The following INPP4B variants were observed in gnomAD, a reference collection of about 807,000 sequenced individuals.
INPP4B encodes the protein inositol polyphosphate-4-phosphatase type II B.
A neutral mutation model predicts 122.5 loss-of-function variants in INPP4B; 55 were observed. The ratio of observed to expected loss-of-function variants is 0.45; its 90% confidence interval spans 0.36 to 0.56. The LOEUF (loss-of-function observed/expected upper bound fraction) is 0.56. Among genes scored for constraint, INPP4B ranks in the 20% least tolerant of loss-of-function variants. The probability of loss-of-function intolerance (pLI) is 0.00; values close to 1 mark genes in which losing one functional copy is unlikely to be tolerated. For missense variants in INPP4B, 1,000 were observed against 1,097.7 expected (o/e 0.91, Z 1.26); for synonymous variants, 403 against 388.7 (o/e 1.04, Z -0.43).
chr4:142,716,615 G>A (rs376979333), intron 2 of INPP4B, among the ~76,000 whole-genome samples: 5 of 152,276 alleles, frequency 3.3e-5, no homozygotes, highest in African/African-American at 4.8e-5. Flanking sequence ...CTCAGGGCAC[G>A]TGCCCAATCC....
At chr4:142,727,385 A>G (rs891735624) in intron 1 of INPP4B, among the ~76,000 whole-genome samples, 8 of 152,194 alleles carry the variant, frequency 5.3e-5, no homozygotes, top group African/African-American at 1.9e-4. Flanking sequence ...CTGCAAGCCA[A>G]CGTCTGTGGC....
chr4:142,209,358 G>C (rs1843888166), intron 12 of INPP4B, among the ~76,000 whole-genome samples: 1 of 152,048 alleles, frequency 6.6e-6, no homozygotes, highest in Non-Finnish European at 1.5e-5. Flanking sequence ...AAACCTCTAT[G>C]TAAAGATGGC....
intron 7 of INPP4B, among the ~76,000 whole-genome samples, chr4:142,369,719 G>A (rs1001017148): frequency 1.3e-4 from 19 of 151,876 alleles, no homozygotes; most frequent in Admixed American, 4.6e-4. Context: ...CTGAGGTTAG[G>A]AGTTCGAGAC....
intron 1 of INPP4B, among the ~76,000 whole-genome samples, chr4:142,842,865 G>GAT (rs908629428): frequency 1.5e-5 from 2 of 130,724 alleles, no homozygotes; most frequent in East Asian, 4.3e-4. Context: ...TATAAATAAT[G>GAT]ATATATATAA....
chr4:142,192,192 G>C (rs1035844903), intron 15 of INPP4B, among the ~76,000 whole-genome samples: 2 of 151,166 alleles, frequency 1.3e-5, no homozygotes, highest in Non-Finnish European at 2.9e-5. Context: ...GGTGAGGATT[G>C]AAAAACTACC....
At chr4:142,050,304 T>G (rs1041863985) in intron 25 of INPP4B, among the ~76,000 whole-genome samples, 2 of 152,034 alleles carry the variant, frequency 1.3e-5, no homozygotes, top group African/African-American at 4.8e-5. Flanking sequence ...ACCAGGTTTC[T>G]TATCCTTTTG....
At chr4:142,752,256 A>G (rs575620702) in intron 1 of INPP4B, among the ~76,000 whole-genome samples, 1 of 152,224 alleles carries the variant, frequency 6.6e-6, no homozygotes, top group South Asian at 2.1e-4. Flanking sequence ...GAGATTTAGG[A>G]GGCCAAAGGT....
intron 25 of INPP4B, among the ~76,000 whole-genome samples, chr4:142,031,766 A>T (rs1412980787): frequency 6.6e-6 from 1 of 152,254 alleles, no homozygotes; most frequent in African/African-American, 2.4e-5. Flanking sequence ...TATTTCTTCT[A>T]TTGGCTTCAA....
At position 142,643,181 on chromosome 4, in the gene INPP4B, G is replaced by T. The variant is rs1356665650; in HGVS notation, c.-191+82658C>A. Among the ~76,000 whole-genome samples the T allele has an allele frequency of 2.6e-5, 4 of 151,878 alleles. 1 individual carries two copies. Among genetic ancestry groups the T allele is most frequent in the Admixed American group, 2.6e-4 (4 of 15,240 alleles). ...AGGAGATTTTGGGCTGAGATGATGG[G>T]GTTTTCTAAATATACAATCATGCCA... On this transcript the variant is annotated intron_variant, in intron 2 of 25. Transcript: ENST00000262992.
At chr4:142,418,048 C>T (rs913351235) in intron 5 of INPP4B, among the ~76,000 whole-genome samples, 4 of 152,140 alleles carry the variant, frequency 2.6e-5, no homozygotes, top group Non-Finnish European at 5.9e-5. Context: ...CAATTCTACA[C>T]AGGTATGCAG....
intron 12 of INPP4B, among the ~76,000 whole-genome samples, chr4:142,210,409 C>T (rs1478293017): frequency 1.3e-5 from 2 of 151,888 alleles, no homozygotes; most frequent in African/African-American, 2.4e-5. Flanking sequence ...CATGATGAAA[C>T]ACTCATGGGA....
intron 1 of INPP4B, among the ~76,000 whole-genome samples, chr4:142,756,114 A>ACTT (rs2150961396): frequency 6.6e-6 from 1 of 152,174 alleles, no homozygotes; most frequent in Admixed American, 6.5e-5. Context: ...AATGAATGAG[A>ACTT]CAAGAGAGGA....
chr4:142,609,395 T>G (rs1361923170), intron 2 of INPP4B, among the ~76,000 whole-genome samples: 1 of 152,030 alleles, frequency 6.6e-6, no homozygotes. Context: ...TATGTGATTC[T>G]GTGCACATAA....
At chr4:142,408,134 C>G (rs541327475) in intron 5 of INPP4B, among the ~76,000 whole-genome samples, 1 of 152,032 alleles carries the variant, frequency 6.6e-6, no homozygotes, top group Non-Finnish European at 1.5e-5. Context: ...TCCCACCAGA[C>G]GGCTGATAAA....
At chr4:142,204,260 A>G (rs999251508) in intron 14 of INPP4B, among the ~76,000 whole-genome samples, 1 of 152,042 alleles carries the variant, frequency 6.6e-6, no homozygotes, top group Non-Finnish European at 1.5e-5. Context: ...AATATTACAT[A>G]TTTTTAAAAC....
intron 12 of INPP4B, among the ~76,000 whole-genome samples, chr4:142,227,280 C>T (rs1160739762): frequency 2.6e-5 from 4 of 152,024 alleles, no homozygotes; most frequent in Non-Finnish European, 5.9e-5. Context: ...CAGGAGAATG[C>T]GCAGCCACAG....
chr4:142,523,003 G>A (rs1439801079), intron 2 of INPP4B, among the ~76,000 whole-genome samples: 2 of 151,976 alleles, frequency 1.3e-5, no homozygotes, highest in Non-Finnish European at 2.9e-5. Flanking sequence ...AGAAAAGATG[G>A]AATTCCAAGG....
intron 12 of INPP4B, among the ~76,000 whole-genome samples, chr4:142,215,089 A>G (rs1477066858): frequency 6.6e-6 from 1 of 152,220 alleles, no homozygotes; most frequent in African/African-American, 2.4e-5. Context: ...GAGTTCATAT[A>G]AGATTCATAA....
Position 142,399,909 on chromosome 4 carries a change from G to A in INPP4B, c.372+3029C>T, listed in dbSNP as rs1801047031. Among the ~76,000 whole-genome samples, 4 of 152,164 alleles carry A rather than the reference G, an allele frequency of 2.6e-5. No individual in the cohort carries two copies. In the South Asian group the frequency reaches 8.3e-4, roughly 32 times the overall value. The stretch of plus-strand genomic sequence containing the variant: ...CGTCTGCCAACTTATGGCAGTGAAT[G>A]GGAAGGATGAAGGATGTAGTAGAAG... On this transcript the variant is annotated intron_variant, in intron 7 of 25. Transcript: ENST00000262992.
Sources: gnomAD v4.1 joint callset for allele counts (sites outside exome capture counted in the v4.1 genomes callset) on GRCh38, gnomAD v4.1.1 for gene constraint, MANE v1.5 for transcripts, NCBI Gene and HGNC (gene_info 2026-07-23, HGNC 2026-07-21) for gene names.